Variants in NCKAP5 observed in about 807,000 individuals in gnomAD.
NCKAP5 encodes the protein NCK associated protein 5, also known as nck-associated protein 5.
A neutral mutation model predicts 167.0 loss-of-function variants in NCKAP5; 92 were observed. The observed-to-expected ratio is 0.55, with a 90% confidence interval of 0.47 to 0.66. NCKAP5 has a LOEUF of 0.66. Ranked by LOEUF, NCKAP5 falls within the 30% of genes least tolerant of loss-of-function variation. The pLI is 0.00. For synonymous variants in NCKAP5, 891 were observed against 877.4 expected (o/e 1.02, Z -0.27); for missense variants, 2,378 against 2,315.0 (o/e 1.03, Z -0.56).
At chr2:132,764,846 A>G (rs1339090096) in intron 16 of NCKAP5, among the ~76,000 whole-genome samples, 1 of 152,246 alleles carries the variant, frequency 6.6e-6, no homozygotes, top group Non-Finnish European at 1.5e-5. Context: ...AATCTGGTCA[A>G]CTTTCTAAGA....
At chr2:133,008,546 T>C (rs2078048114) in intron 6 of NCKAP5, among the ~76,000 whole-genome samples, 1 of 152,126 alleles carries the variant, frequency 6.6e-6, no homozygotes, top group African/African-American at 2.4e-5. Context: ...GCAAGGAAAA[T>C]GGAAGAGGTG....
chr2:133,187,947 T>G (rs183298901), intron 5 of NCKAP5, among the ~76,000 whole-genome samples: 125 of 152,222 alleles, frequency 8.2e-4, no homozygotes, highest in African/African-American at 2.9e-3. Flanking sequence ...TCTGTGTCTT[T>G]TAATTGGAGC....
chr2:133,324,285 A>G (rs56212259), intron 3 of NCKAP5, among the ~76,000 whole-genome samples: 31,394 of 152,254 alleles, frequency 0.21, 3,309 homozygotes, highest in East Asian at 0.26. Flanking sequence ...AGGAGGCCTG[A>G]GTGGCATTTA....
chr2:132,784,125 G>T lies in NCKAP5; in HGVS notation c.2686C>A (p.Arg896=). Residue 896 remains arginine, a synonymous_variant, in exon 14 of 20, where the codon CGG becomes AGG. Coordinates refer to ENST00000409261, the MANE Select transcript of NCKAP5 (RefSeq NM_207363.3). ...CTAGACTCAATGGCAGGCCTTGACC[G>T]TGACCCTGGAGTCTGACTCTTGGGG... ...QCPKSQTPGS[R]SRPAIESSDS... is the part of the protein sequence containing the mutation. The T allele has an allele frequency of 1.3e-6, 2 of 1,521,934 alleles. No homozygotes were observed. Among genetic ancestry groups the T allele is most frequent in the Non-Finnish European group, 1.8e-6 (2 of 1,137,052 alleles). 94.3% of individuals were successfully genotyped at this position (1,521,934 alleles called of 1,614,324 possible).
intron 11 of NCKAP5, among the ~76,000 whole-genome samples, chr2:132,829,189 A>C (rs1023701638): frequency 7.2e-5 from 11 of 152,206 alleles, no homozygotes; most frequent in Non-Finnish European, 1.6e-4. Context: ...ATATTTATTT[A>C]AGCATCAAAG....
chr2:132,948,434 C>A (rs1187507194), intron 8 of NCKAP5, among the ~76,000 whole-genome samples: 2 of 152,126 alleles, frequency 1.3e-5, no homozygotes, highest in Non-Finnish European at 2.9e-5. Context: ...GCTTTAAGGA[C>A]TCCCTGAAGC....
chr2:132,861,127 G>A (rs1173398965), intron 10 of NCKAP5, among the ~76,000 whole-genome samples: 3 of 152,104 alleles, frequency 2.0e-5, no homozygotes, highest in African/African-American at 7.2e-5. Flanking sequence ...AAATAGCTCC[G>A]AAGAGATGGC....
At chr2:133,227,560 C>T (rs2086950873) in intron 4 of NCKAP5, among the ~76,000 whole-genome samples, 2 of 152,174 alleles carry the variant, frequency 1.3e-5, no homozygotes, top group South Asian at 2.1e-4. Context: ...CAGGTCTCTA[C>T]CCAACTGAGC....
At chr2:133,532,003 T>C (rs576454067) in intron 2 of NCKAP5, among the ~76,000 whole-genome samples, 7 of 152,324 alleles carry the variant, frequency 4.6e-5, no homozygotes, top group East Asian at 1.9e-4. Context: ...ATTCTTGCTG[T>C]GCATAAATTA....
intron 7 of NCKAP5, among the ~76,000 whole-genome samples, chr2:132,986,694 T>C (rs1042574533): frequency 2.6e-5 from 4 of 152,248 alleles, no homozygotes; most frequent in African/African-American, 9.6e-5. Context: ...CTTTTATAAT[T>C]GATAGTTTAA....
At chr2:133,429,776 A>G (rs1010647561) in intron 3 of NCKAP5, among the ~76,000 whole-genome samples, 2 of 152,106 alleles carry the variant, frequency 1.3e-5, no homozygotes, top group Admixed American at 1.3e-4. Context: ...TGATGAACAC[A>G]TGGCAATACA....
At position 133,145,883 on chromosome 2, in the gene NCKAP5, A is replaced by G. The variant is rs535657258; in HGVS notation, c.208-15772T>C. Among the ~76,000 whole-genome samples the G allele has an allele frequency of 4.6e-5, 7 of 152,276 alleles. No individual in the cohort carries two copies. In the South Asian group the frequency reaches 1.2e-3, roughly 27 times the overall value. ...AATTAAAAAAGATTGCATCGACTCC[A>G]GTGCTTATTACAATTTTTACAAGCT... On this transcript the variant is annotated intron_variant, in intron 5 of 19. Transcript: ENST00000409261.
chr2:132,998,177 C>G (rs1573683329), intron 6 of NCKAP5, among the ~76,000 whole-genome samples: 2 of 152,158 alleles, frequency 1.3e-5, no homozygotes, highest in East Asian at 3.9e-4. Flanking sequence ...TTATTTTTTA[C>G]TAAGTTAAAA....
At chr2:132,800,992 C>T (rs1684987691) in intron 11 of NCKAP5, among the ~76,000 whole-genome samples, 1 of 152,318 alleles carries the variant, frequency 6.6e-6, no homozygotes, top group African/African-American at 2.4e-5. Flanking sequence ...GCCTCCTTTA[C>T]AGTCAGGTGT....
Position 132,939,162 on chromosome 2 carries a change from T to C in NCKAP5, c.579+24558A>G, listed in dbSNP as rs185089686. 5.3e-5 allele frequency among the ~76,000 whole-genome samples: 8 copies of C among 152,274 alleles called. No individual in the cohort carries two copies. In the East Asian group the frequency reaches 1.5e-3, roughly 29 times the overall value. On this transcript the variant is annotated intron_variant, in intron 8 of 19. Transcript: ENST00000409261. ...TGACCTTTTAAAAACACTTAAACGG[T>C]TAACTTTTGATCTCAAGTCTTCTCC...
At chr2:133,604,530 A>G in the NCKAP5 span, among the ~76,000 whole-genome samples, 1 of 151,990 alleles carries the variant, frequency 6.6e-6, no homozygotes, top group Non-Finnish European at 1.5e-5. Flanking sequence ...TAAAATTAGG[A>G]CACGTGGGGG....
intron 8 of NCKAP5, among the ~76,000 whole-genome samples, chr2:132,950,626 C>G (rs2076155932): frequency 6.6e-6 from 1 of 152,296 alleles, no homozygotes; most frequent in South Asian, 2.1e-4. Context: ...TCTCATAAAA[C>G]TAGACTGCAG....
At chr2:133,020,410 G>A (rs2078485871) in intron 6 of NCKAP5, among the ~76,000 whole-genome samples, 4 of 152,322 alleles carry the variant, frequency 2.6e-5, no homozygotes, top group Admixed American at 2.0e-4. Context: ...GACTAGGGCA[G>A]AAAACAGAAG....
In NCKAP5 at chr2:133,002,186, G is replaced by A. The variant is rs554560685; in HGVS notation, c.342-7947C>T. ...AAATTCTTCTAGATCCAGGCTTTAT[G>A]CACAGTGATACAGTAGTCTTCTTAG... On this transcript the variant is annotated intron_variant, in intron 6 of 19. Transcript: ENST00000409261. Among the ~76,000 whole-genome samples, 3 of 152,214 alleles carry A rather than the reference G, an allele frequency of 2.0e-5. No homozygotes were observed. The South Asian group carries it at 6.2e-4, about 32-fold the overall frequency.
Sources: gnomAD v4.1 joint callset for allele counts (sites outside exome capture counted in the v4.1 genomes callset) on GRCh38, gnomAD v4.1.1 for gene constraint, MANE v1.5 for transcripts, NCBI Gene and HGNC (gene_info 2026-07-23, HGNC 2026-07-21) for gene names.